CENPC: variants seen among roughly 807,000 people sequenced by gnomAD.
CENPC encodes the protein centromere protein C, also known as CENP-C 1.
Under a neutral mutation model 112.1 loss-of-function variants are expected in CENPC, and 63 were observed. That is an observed-to-expected ratio of 0.56 (90% confidence interval 0.46 to 0.69). The LOEUF (loss-of-function observed/expected upper bound fraction) is 0.69, where lower values mean the gene tolerates loss of function less well. Ranked by LOEUF, CENPC falls within the 30% of genes least tolerant of loss-of-function variation. The pLI, the probability that CENPC is intolerant of heterozygous loss-of-function variation, is 0.00. For missense variants in CENPC, 1,000 were observed against 1,103.8 expected (o/e 0.91, Z 1.33); for synonymous variants, 333 against 367.6 (o/e 0.91, Z 1.08).
intron 5 of CENPC, among the ~76,000 whole-genome samples, chr4:67,525,309 A>T (rs543829431): frequency 6.6e-6 from 1 of 152,324 alleles, no homozygotes; most frequent in Non-Finnish European, 1.5e-5. Context: ...ATTGCAACAA[A>T]AGCCAAAACT....
intron 16 of CENPC, 57 bp downstream of exon 16, chr4:67,492,123 C>G: frequency 8.6e-7 from 1 of 1,156,622 alleles, no homozygotes; most frequent in South Asian, 1.4e-5. Flanking sequence ...ATCAAGCAAG[C>G]AATATTTTCT....
intron 8 of CENPC, among the ~76,000 whole-genome samples, chr4:67,513,498 AT>A (rs914606682): frequency 4.6e-5 from 7 of 152,190 alleles, no homozygotes; most frequent in African/African-American, 1.7e-4. Context: ...CTTCCTTCAT[AT>A]GTCTTTTCCT....
At chr4:67,492,056 TC>T in intron 16 of CENPC, 123 bp downstream of exon 16, 1 of 629,832 alleles carries the variant, frequency 1.6e-6, no homozygotes, top group East Asian at 2.9e-5. Context: ...ATTAGACTCT[TC>T]TGGACTTTAG....
chr4:67,524,280 C>T (rs959757815), intron 5 of CENPC, among the ~76,000 whole-genome samples: 2 of 152,128 alleles, frequency 1.3e-5, no homozygotes, highest in East Asian at 1.9e-4. Context: ...ACAAGGATGC[C>T]CTCTCTCACC....
chr4:67,532,981 C>T (rs1051192844), intron 4 of CENPC, among the ~76,000 whole-genome samples: 3 of 152,180 alleles, frequency 2.0e-5, no homozygotes, highest in Non-Finnish European at 4.4e-5. Flanking sequence ...TTTAGTGAAG[C>T]ACCAAATGTG....
intron 5 of CENPC, among the ~76,000 whole-genome samples, chr4:67,526,954 G>C (rs977084333): frequency 2.0e-5 from 3 of 151,944 alleles, no homozygotes; most frequent in African/African-American, 7.3e-5. Context: ...TGTCATAAAG[G>C]AATCAAGATC....
intron 5 of CENPC, among the ~76,000 whole-genome samples, chr4:67,522,342 A>G (rs1244382459): frequency 6.6e-6 from 1 of 152,218 alleles, no homozygotes. Context: ...TCAGCAATTC[A>G]GCAGAGCACA....
chr4:67,477,987 A>G (rs1428669441), intron 17 of CENPC, among the ~76,000 whole-genome samples: 1 of 152,056 alleles, frequency 6.6e-6, no homozygotes, highest in Non-Finnish European at 1.5e-5. Flanking sequence ...AATTAACCCA[A>G]TCAAAGACAA....
chr4:67,505,820 A>G (rs980995621), intron 11 of CENPC, among the ~76,000 whole-genome samples: 14 of 152,216 alleles, frequency 9.2e-5, no homozygotes, highest in Non-Finnish European at 8.8e-5. Flanking sequence ...GTTGAGCATC[A>G]TAAGTACTGA....
chr4:67,520,510 C>T (rs10003115), intron 5 of CENPC, among the ~76,000 whole-genome samples: 32,951 of 151,978 alleles, frequency 0.22, 3,624 homozygotes, highest in South Asian at 0.27. Context: ...CTGTCCTCCA[C>T]CCAATGATAT....
chr4:67,478,629 AACACACACACAC>A (rs200741539), intron 17 of CENPC, among the ~76,000 whole-genome samples: 8 of 81,936 alleles, frequency 9.8e-5, no homozygotes, highest in South Asian at 3.7e-4. Context: ...GGGTCTATAA[AACACACACACAC>A]ACACACACAC....
intron 15 of CENPC, chr4:67,492,641 G>T (rs1418966762): frequency 3.0e-6 from 2 of 661,038 alleles, no homozygotes; most frequent in African/African-American, 1.9e-5. Flanking sequence ...TCATTTGACT[G>T]GGAAATTTAC....
intron 4 of CENPC, among the ~76,000 whole-genome samples, chr4:67,538,642 A>C (rs1357656321): frequency 2.0e-5 from 3 of 152,200 alleles, no homozygotes; most frequent in Non-Finnish European, 2.9e-5. Flanking sequence ...CATAGAGAAA[A>C]CTGCAGAATG....
intron 18 of CENPC, chr4:67,474,608 G>T (rs1045127996): frequency 1.3e-5 from 4 of 317,264 alleles, no homozygotes; most frequent in African/African-American, 4.5e-5. Context: ...TGAGGCACAA[G>T]AATCGCTTGA....
chr4:67,510,290 A>C (rs1375538932), intron 9 of CENPC, among the ~76,000 whole-genome samples: 1 of 152,126 alleles, frequency 6.6e-6, no homozygotes, highest in African/African-American at 2.4e-5. Context: ...AAAACATTCC[A>C]TAACTTCCTC....
At chr4:67,492,610 TG>T (rs1283730719) in intron 15 of CENPC, 5 of 504,102 alleles carry the variant, frequency 9.9e-6, no homozygotes, top group African/African-American at 9.8e-5. Flanking sequence ...AACCATAGCT[TG>T]GGCATAGGAA....
intron 6 of CENPC, 41 bp downstream of exon 6, chr4:67,519,176 A>C (rs954125669): frequency 7.0e-7 from 1 of 1,438,718 alleles, no homozygotes; most frequent in African/African-American, 1.4e-5. Context: ...CAAAAAGTAA[A>C]ATTTTTAAAG....
At chr4:67,518,975 T>A (rs1229022054) in intron 6 of CENPC, among the ~76,000 whole-genome samples, 2 of 152,184 alleles carry the variant, frequency 1.3e-5, no homozygotes, top group African/African-American at 4.8e-5. Flanking sequence ...TCAAATATTA[T>A]CAGAGAGAAA....
At chr4:67,537,366 C>T (rs2109832834) in intron 4 of CENPC, among the ~76,000 whole-genome samples, 2 of 152,098 alleles carry the variant, frequency 1.3e-5, no homozygotes, top group South Asian at 4.1e-4. Context: ...CATAAGAAAA[C>T]AAAAGTGAGG....
Sources: allele counts gnomAD v4.1 joint callset (sites outside exome capture counted in the v4.1 genomes callset), GRCh38; gene constraint gnomAD v4.1.1; transcripts MANE v1.5; gene names NCBI Gene and HGNC (gene_info 2026-07-23, HGNC 2026-07-21).